The following ARAP1 variants were observed in gnomAD, a reference collection of about 807,000 sequenced individuals.
ARAP1 encodes the protein arf-GAP with Rho-GAP domain, ANK repeat and PH domain-containing protein 1.
ARAP1 carries 76 observed loss-of-function variants against 172.2 expected under a neutral mutation model. That is an observed-to-expected ratio of 0.44 (90% confidence interval 0.37 to 0.53). ARAP1 has a LOEUF of 0.53. Ranked by LOEUF, ARAP1 falls within the 20% of genes least tolerant of loss-of-function variation. The pLI is 0.00. For missense variants in ARAP1, 1,686 were observed against 1,977.5 expected (o/e 0.85, Z 2.80); for synonymous variants, 804 against 803.3 (o/e 1.00, Z -0.01).
rs925740464 is a variant in ARAP1 at position 72,726,336 on chromosome 11, T to C, written c.509+284A>G. On this transcript the variant is annotated intron_variant, in intron 3 of 34. Transcript: ENST00000393609. This position sits in a 1 kb window ranked among gnomAD's most constrained non-coding sequence, Gnocchi z 6.5. ...AAAGTCACTTCTGTCCTTGGGTCTCTGGATCAGTGATGGCACGACTGTCCA... is the reference window on the plus strand; with the variant it reads ...AAAGTCACTTCTGTCCTTGGGTCTCCGGATCAGTGATGGCACGACTGTCCA... 2.0e-5 allele frequency among the ~76,000 whole-genome samples: 3 copies of C among 152,122 alleles called. No homozygotes were observed. The highest frequency in any genetic ancestry group is 1.3e-4 in the Admixed American group (2 of 15,282).
chr11:72,732,347 G>C (rs1265542649), intron 2 of ARAP1, among the ~76,000 whole-genome samples, 168 bp downstream of exon 2: 3 of 152,182 alleles, frequency 2.0e-5, no homozygotes, highest in Non-Finnish European at 4.4e-5. Context: ...CCTGCTGGGA[G>C]GCTCGTAGCA....
intron 23 of ARAP1, among the ~76,000 whole-genome samples, chr11:72,696,209 C>T (rs1282832288): frequency 6.6e-6 from 1 of 152,146 alleles, no homozygotes; most frequent in East Asian, 1.9e-4. Flanking sequence ...ATAAGGAGCG[C>T]GCCACCTCCC....
intron 1 of ARAP1, among the ~76,000 whole-genome samples, chr11:72,750,655 G>T (rs894679837): frequency 1.3e-5 from 2 of 152,224 alleles, no homozygotes; most frequent in Non-Finnish European, 2.9e-5. Flanking sequence ...CATGAGGCCA[G>T]GGCTGATCAC....
chr11:72,735,775 C>A (rs1397210011), intron 1 of ARAP1, among the ~76,000 whole-genome samples: 2 of 152,082 alleles, frequency 1.3e-5, no homozygotes, highest in African/African-American at 4.8e-5. Context: ...CTCTCAAGTT[C>A]CTATTCCTGC....
intron 11 of ARAP1, chr11:72,708,469 C>T (rs11605691): frequency 0.12 from 19,010 of 157,662 alleles, 1,554 homozygotes; most frequent in South Asian, 0.19. Context: ...AGAGAACGCC[C>T]GTCAGGCGGG....
In ARAP1 at chr11:72,699,541, G is replaced by A. The variant is rs141410764; in HGVS notation, c.2314C>T (p.Arg772Cys). The A allele has an allele frequency of 2.4e-5, 39 of 1,612,644 alleles. No homozygotes were observed. The highest frequency in any genetic ancestry group is 5.5e-5 in the South Asian group (5 of 90,780). ...ACCCCGTCACCAAGGACACACCAGC[G>A]CCGGCTGAACTCTGGGGAGAATTTG... ...DRRAREEFSR[R>C]WCVLGDGVLS... Residue 772 changes from arginine to cysteine, a missense_variant, in exon 17 of 35, where the codon CGC becomes TGC. Arg to Cys is a radical substitution (Grantham distance 180, BLOSUM62 -3). Around this residue, in one of 5 missense-constraint regions of ARAP1, gnomAD observed 688 missense variants for 856.9 expected, o/e 0.80. Transcript: ENST00000393609. This position sits in a 1 kb window ranked among gnomAD's most constrained non-coding sequence, Gnocchi z 4.2.
In ARAP1 at chr11:72,704,234, C is replaced by T. The variant is rs748983550; in HGVS notation, c.1910G>A (p.Arg637Gln). The change falls in exon 14 of 35, where the codon CGG becomes CAG. Residue 637 changes from arginine (R) to glutamine (Q), a missense_variant. Coordinates refer to ENST00000393609, the MANE Select transcript of ARAP1 (RefSeq NM_001040118.3). The part of the protein sequence containing the change: ...LQPSSSPSTR[R>Q]CHLEAKYREG... The stretch of plus-strand genomic sequence containing the variant: ...ACGGTACTTGGCCTCCAGGTGGCAC[C>T]GCCGGGTGCTGGGGCTGCTGCTGGG... 138 of 1,613,618 alleles carry T rather than the reference C, an allele frequency of 8.6e-5. 1 individual carries two copies. The Admixed American group carries it at 1.5e-3, about 18-fold the overall frequency.
At chr11:72,722,373 C>G (rs150632296) in intron 3 of ARAP1, 41 of 985,430 alleles carry the variant, frequency 4.2e-5, no homozygotes, top group South Asian at 1.4e-4. Flanking sequence ...CAGAATCCCC[C>G]GGGGCAGACA....
chr11:72,697,269 C>CGGG (rs1211538476), intron 21 of ARAP1, 54 bp downstream of exon 21: 55 of 1,245,782 alleles, frequency 4.4e-5, no homozygotes, highest in Admixed American at 2.1e-4. Flanking sequence ...AGCTCTGGGG[C>CGGG]GGGAGGCGGC....
chr11:72,722,241 G>C, intron 3 of ARAP1: 2 of 985,758 alleles, frequency 2.0e-6, no homozygotes, highest in Non-Finnish European at 2.4e-6. Flanking sequence ...GTGTATGTGT[G>C]TGTGTATGTC....
In ARAP1 at chr11:72,687,742, C is replaced by T. The variant is rs368139520; in HGVS notation, c.4071-4G>A. ...ATGCACCACTGTGAAGCCCCAGCTA[C>T]AGAGGAAGAAGGGAGAGAGTTGGGT... On this transcript the variant is annotated splice_polypyrimidine_tract_variant and splice_region_variant and intron_variant, in intron 31 of 34. Coordinates refer to ENST00000393609, the MANE Select transcript of ARAP1 (RefSeq NM_001040118.3). 1.2e-6 allele frequency: 2 copies of T among 1,614,120 alleles called. No individual in the cohort carries two copies. Among genetic ancestry groups the T allele is most frequent in the Admixed American group, 1.7e-5 (1 of 60,010 alleles).
chr11:72,728,517 G>A (rs1296148011), intron 2 of ARAP1, among the ~76,000 whole-genome samples: 3 of 152,062 alleles, frequency 2.0e-5, no homozygotes, highest in Non-Finnish European at 4.4e-5. Context: ...GGAGGCAGAG[G>A]TTGCCATGAG....
intron 1 of ARAP1, among the ~76,000 whole-genome samples, chr11:72,747,882 G>A (rs1321525436): frequency 6.6e-6 from 1 of 152,236 alleles, no homozygotes; most frequent in Admixed American, 6.5e-5. Context: ...AATGTCACCT[G>A]ACCAGGTGGC....
At chr11:72,744,949 A>C (rs1364050103) in intron 1 of ARAP1, among the ~76,000 whole-genome samples, 1 of 152,226 alleles carries the variant, frequency 6.6e-6, no homozygotes, top group Non-Finnish European at 1.5e-5. Context: ...GGAAGAGAGC[A>C]GCCCCAGGCA....
At position 72,697,657 on chromosome 11, in the gene ARAP1, G is replaced by A. The variant is rs1856274604; in HGVS notation, c.2738-8C>T. 1 of 1,614,062 alleles carries A rather than the reference G, an allele frequency of 6.2e-7. No individual in the cohort carries two copies. The highest frequency in any genetic ancestry group is 2.2e-5 in the East Asian group (1 of 44,892). On this transcript the variant is annotated splice_polypyrimidine_tract_variant and splice_region_variant and intron_variant, in intron 19 of 34. Coordinates refer to ENST00000393609, the MANE Select transcript of ARAP1 (RefSeq NM_001040118.3). ...CACTGTCCCCCTGGATGGCTGTGGA[G>A]GGGTTAGTCAAGGTGAGGCCCAGGT...
At position 72,695,305 on chromosome 11, in the gene ARAP1, G is replaced by A; in HGVS notation, c.3576+82C>T. ...AACTGGTCCTCTCCTCGGGGTAGAA[G>A]CACTGCTCCCCTGGCCATCTGAGCC... On this transcript the variant is annotated intron_variant, in intron 26 of 34. Coordinates refer to ENST00000393609, the MANE Select transcript of ARAP1 (RefSeq NM_001040118.3). This position sits in a 1 kb window ranked among gnomAD's most constrained non-coding sequence, Gnocchi z 4.4. 1 of 1,574,892 alleles carries A rather than the reference G, an allele frequency of 6.3e-7. No homozygotes were observed. The highest frequency in any genetic ancestry group is 1.7e-5 in the Admixed American group (1 of 59,698).
rs1358297730 is a variant in ARAP1 at position 72,711,167 on chromosome 11, T to C, written c.1093-26A>G. On this transcript the variant is annotated intron_variant, in intron 8 of 34. Coordinates refer to ENST00000393609, the MANE Select transcript of ARAP1 (RefSeq NM_001040118.3). ...CTGGGGGAGAGACAGGAACTATATT[T>C]TGGGACCCAGCACCTCGCTGACTCC... is the stretch of plus-strand genomic sequence containing the variant. The C allele has an allele frequency of 4.3e-6, 7 of 1,613,518 alleles. No individual in the cohort carries two copies. The Admixed American group carries it at 6.7e-5, about 15-fold the overall frequency.
chr11:72,713,344 C>A (rs985333876), intron 4 of ARAP1, 101 bp from the exon 5 acceptor site: 2 of 1,061,688 alleles, frequency 1.9e-6, no homozygotes, highest in Non-Finnish European at 2.8e-6. Flanking sequence ...GCCAAGACCC[C>A]CATCCCCACC....
At position 72,697,452 on chromosome 11, in the gene ARAP1, A is replaced by G. The variant is rs1335940594; in HGVS notation, c.2824T>C (p.Phe942Leu). 1 of 1,613,062 alleles carries G rather than the reference A, an allele frequency of 6.2e-7. No homozygotes were observed. The part of the protein sequence containing the change: ...LYIQGERRLD[F>L]MGWLGAIQKA... The stretch of plus-strand genomic sequence containing the variant: ...TGGATGGCCCCCAGCCAACCCATGA[A>G]GTCCAGCCGCCGCTCGCCCTGTATG... The change falls in exon 21 of 35, where the codon TTC becomes CTC. Residue 942 changes from phenylalanine (F) to leucine (L), a missense_variant. This residue lies in a region of ARAP1 where 274 missense variants were observed against 262.7 expected (regional missense o/e 1.04). Transcript: ENST00000393609.
Sources: gnomAD v4.1 joint callset for allele counts (sites outside exome capture counted in the v4.1 genomes callset) on GRCh38, gnomAD v4.1.1 for gene constraint, gnomAD v4.1.1 regional missense constraint, Gnocchi (gnomAD v3.1) non-coding constraint, MANE v1.5 for transcripts, NCBI Gene and HGNC (gene_info 2026-07-23, HGNC 2026-07-21) for gene names.